PCDHA6: variants seen among roughly 807,000 people sequenced by gnomAD.
PCDHA6 encodes the protein protocadherin alpha 6.
A neutral mutation model predicts 60.3 loss-of-function variants in PCDHA6; 55 were observed. The ratio of observed to expected loss-of-function variants is 0.91; its 90% CI spans 0.73 to 1.14. The LOEUF (loss-of-function observed/expected upper bound fraction) is 1.14, where lower values mean the gene tolerates loss of function less well. Ranked by LOEUF, PCDHA6 falls within the 50% of genes most tolerant of loss-of-function variation. PCDHA6 has a pLI of 0.00. For missense variants in PCDHA6, 1,327 were observed against 1,256.5 expected, an observed-to-expected ratio of 1.06 and a Z score of -0.85; for synonymous variants, 652 against 557.9, an observed-to-expected ratio of 1.17 and a Z score of -2.38.
chr5:140,992,017 CTGTGTGTGTGTGTGTG>C (rs10602499), intron 3 of PCDHA6, among the ~76,000 whole-genome samples: 31 of 145,626 alleles, frequency 2.1e-4, no homozygotes, highest in East Asian at 1.4e-3. Flanking sequence ...AGAGGTGGCT[CTGTGTGTGTGTGTGTG>C]TGTGTGTGTG....
chr5:140,884,486 G>T, intron 1 of PCDHA6: 1 of 1,614,030 alleles, frequency 6.2e-7, no homozygotes, highest in Non-Finnish European at 8.5e-7. Flanking sequence ...GCCCACTCTA[G>T]TGTGCTCCAG....
chr5:140,855,092 T>A (rs2043336220), intron 1 of PCDHA6, among the ~76,000 whole-genome samples: 1 of 149,960 alleles, frequency 6.7e-6, no homozygotes, highest in Admixed American at 6.7e-5. Context: ...TCTCAGCCTG[T>A]GCAGTAGCAA....
intron 1 of PCDHA6, among the ~76,000 whole-genome samples, chr5:140,941,192 TTTCTTTCTTCCTTTCTTTCTTCC>T (rs2153649449): frequency 1.0e-5 from 1 of 99,660 alleles, no homozygotes; most frequent in African/African-American, 4.0e-5. Flanking sequence ...CTTCTTTTTT[TTTCTTTCTTCCTTTCTTTCTTCC>T]TTTCTTTCTT....
intron 1 of PCDHA6, among the ~76,000 whole-genome samples, chr5:140,899,097 T>A (rs1160754058): frequency 2.0e-5 from 3 of 151,826 alleles, no homozygotes; most frequent in Non-Finnish European, 4.4e-5. Flanking sequence ...TGGGCTGAGA[T>A]AATGGGGTTT....
intron 1 of PCDHA6, among the ~76,000 whole-genome samples, chr5:140,920,012 G>A (rs531392984): frequency 2.6e-5 from 4 of 152,314 alleles, no homozygotes; most frequent in East Asian, 1.9e-4. Context: ...AAGGCCATGC[G>A]AAGATGGAGA....
intron 1 of PCDHA6, among the ~76,000 whole-genome samples, chr5:140,912,566 T>G (rs1562988008): frequency 2.0e-5 from 3 of 152,178 alleles, no homozygotes; most frequent in Admixed American, 1.3e-4. Context: ...CAGTTTTAAC[T>G]TCCTCTTTTC....
intron 1 of PCDHA6, chr5:140,835,685 T>G (rs2150241896): frequency 8.7e-6 from 14 of 1,613,884 alleles, no homozygotes; most frequent in Non-Finnish European, 1.2e-5. Flanking sequence ...GCTCGCCTTC[T>G]CTGTGGGCCA....
intron 1 of PCDHA6, chr5:140,862,568 C>A: frequency 2.1e-6 from 1 of 480,650 alleles, no homozygotes; most frequent in African/African-American, 2.0e-5. Context: ...AACCACAATG[C>A]CCTGGCGTTC....
chr5:140,830,602 A>G (rs970606519), intron 1 of PCDHA6, 117 bp downstream of exon 1: 1 of 658,624 alleles, frequency 1.5e-6, no homozygotes, highest in Non-Finnish European at 2.3e-6. Flanking sequence ...AAAATTACAT[A>G]TTTTCATTTT....
chr5:140,874,505 T>C (rs550206385), intron 1 of PCDHA6, among the ~76,000 whole-genome samples: 1 of 152,366 alleles, frequency 6.6e-6, no homozygotes, highest in African/African-American at 2.4e-5. Context: ...GTTCACATTC[T>C]CTTGACTTTA....
chr5:140,927,688 G>T (rs2084510856), intron 1 of PCDHA6: 1 of 1,613,944 alleles, frequency 6.2e-7, no homozygotes, highest in African/African-American at 1.3e-5. Flanking sequence ...AGGGTCCAAT[G>T]GGGAAGTCCA....
intron 1 of PCDHA6, among the ~76,000 whole-genome samples, chr5:140,898,431 A>G (rs1482364069): frequency 6.6e-6 from 1 of 152,182 alleles, no homozygotes; most frequent in East Asian, 1.9e-4. Context: ...TCCCAGCACC[A>G]TTTATTAAAT....
chr5:140,904,235 T>A (rs147535141), intron 1 of PCDHA6, among the ~76,000 whole-genome samples: 1,856 of 152,070 alleles, frequency 0.012, 44 homozygotes, highest in African/African-American at 0.042. Flanking sequence ...TACTTATGCC[T>A]TTGCATCCTC....
rs536794003 is a variant in PCDHA6, at chr5:140,982,215, G to A, written c.2454-260G>A. Reference sequence around the variant, plus strand: ...CTGTTAGATTTAGTGAGCGCCACATGGCGTTAATAAAAAACAGAATTGCCA... The same window carrying A: ...CTGTTAGATTTAGTGAGCGCCACATAGCGTTAATAAAAAACAGAATTGCCA... On this transcript the variant is annotated intron_variant, in intron 2 of 3. Coordinates refer to ENST00000529310, the MANE Select transcript of PCDHA6 (RefSeq NM_018909.4). The A allele has an allele frequency of 2.0e-5, 10 of 491,624 alleles. No individual in the cohort carries two copies. In the South Asian group the frequency reaches 3.6e-4, roughly 18 times the overall value. The allele number at this position is 491,624 out of a possible 1,614,324, so 30.5% of individuals were successfully genotyped here. A position where few individuals can be genotyped will look rare whatever the true frequency, so the allele number is the denominator to read the frequency against.
At chr5:140,950,580 C>T (rs2094499075) in intron 1 of PCDHA6, among the ~76,000 whole-genome samples, 1 of 151,958 alleles carries the variant, frequency 6.6e-6, no homozygotes, top group South Asian at 2.1e-4. Context: ...TTTCTACTTA[C>T]CTTTGGTTTA....
At chr5:140,977,661 CTGCA>C (rs1554238727) in intron 1 of PCDHA6, among the ~76,000 whole-genome samples, 1 of 152,168 alleles carries the variant, frequency 6.6e-6, no homozygotes, top group Non-Finnish European at 1.5e-5. Flanking sequence ...GGCTAATTCT[CTGCA>C]TGCCAAATAT....
intron 1 of PCDHA6, chr5:140,853,957 G>T: frequency 2.7e-6 from 2 of 736,982 alleles, no homozygotes; most frequent in Non-Finnish European, 3.4e-6. Context: ...TCCCTTCCTT[G>T]AGCCCAGCAG....
rs2150201609 is a variant in PCDHA6 at position 140,832,441 on chromosome 5, G to A, written c.2394+1956G>A. Among the ~76,000 whole-genome samples the A allele has an allele frequency of 2.6e-4, 40 of 152,204 alleles. No homozygotes were observed. In the East Asian group the frequency reaches 5.8e-3, roughly 22 times the overall value. ...AAGAAGTACATGATAATTTTTAAGC[G>A]TGTAATTAATATTGCACTAAAATTT... On this transcript the variant is annotated intron_variant, in intron 1 of 3. Coordinates refer to ENST00000529310, the MANE Select transcript of PCDHA6 (RefSeq NM_018909.4).
intron 1 of PCDHA6, chr5:140,869,303 C>T (rs1403563775): frequency 6.2e-7 from 1 of 1,613,586 alleles, no homozygotes; most frequent in Non-Finnish European, 8.5e-7. Flanking sequence ...TTCCGGGTGG[C>T]GTCCAAAACA....
Sources: allele counts gnomAD v4.1 joint callset (sites outside exome capture counted in the v4.1 genomes callset), GRCh38; gene constraint gnomAD v4.1.1; transcripts MANE v1.5; gene names NCBI Gene and HGNC (gene_info 2026-07-23, HGNC 2026-07-21).